LRP1B: variants seen among roughly 807,000 people sequenced by gnomAD.
The protein encoded by LRP1B is low-density lipoprotein receptor-related protein 1B.
Under a neutral mutation model 556.6 loss-of-function variants are expected in LRP1B, and 217 were observed. That is an observed-to-expected ratio of 0.39 (90% CI 0.35 to 0.44). The LOEUF is 0.44. Among genes scored for constraint, LRP1B ranks in the 20% least tolerant of loss-of-function variants. LRP1B has a pLI of 1.00. For synonymous variants in LRP1B, 2,047 were observed against 1,865.8 expected, an observed-to-expected ratio of 1.10 and a Z score of -2.50; for missense variants, 5,053 against 5,620.8, an observed-to-expected ratio of 0.90 and a Z score of 3.23.
At chr2:141,842,646 TAATA>T (rs1697513663) in intron 1 of LRP1B, among the ~76,000 whole-genome samples, 1 of 152,146 alleles carries the variant, frequency 6.6e-6, no homozygotes, top group Non-Finnish European at 1.5e-5. Context: ...TGTAAGTGGT[TAATA>T]AATATTTTAT....
chr2:141,639,891 A>G (rs1689267571), intron 2 of LRP1B, among the ~76,000 whole-genome samples: 1 of 152,146 alleles, frequency 6.6e-6, no homozygotes, highest in South Asian at 2.1e-4. Context: ...CTACAACCTT[A>G]CACCCTAAGG....
rs143819331 is a variant in LRP1B at position 141,291,855 on chromosome 2, C to CA, written c.344-37215dup. Among the ~76,000 whole-genome samples the CA allele has an allele frequency of 3.7e-3, 372 of 99,268 alleles. 40 individuals are homozygous for CA. The highest frequency in any genetic ancestry group is 6.0e-3 in the African/African-American group (133 of 22,188). 65.1% of individuals were successfully genotyped at this position (99,268 alleles called of 152,430 possible). On this transcript the variant is annotated intron_variant, in intron 3 of 90. Transcript: ENST00000389484. ...TGGGCGAAAGAGCGAGACTCTGTCT[C>CA]AAAAAAAAAAAAAAAAAAAAAAAAA...
intron 84 of LRP1B, among the ~76,000 whole-genome samples, chr2:140,294,857 A>C (rs1170733090): frequency 6.6e-6 from 1 of 152,020 alleles, no homozygotes; most frequent in Non-Finnish European, 1.5e-5. Flanking sequence ...AATACATGAG[A>C]AAGGATAATT....
rs556570504 is a variant in LRP1B, at chr2:142,068,516, C to T, written c.82+62132G>A. ...GGGTTATATAGATAGTGATAGGCTG[C>T]GTAGGGGTCAGCTCCTCATCTGTAT... On this transcript the variant is annotated intron_variant, in intron 1 of 90. Transcript: ENST00000389484. Among the ~76,000 whole-genome samples, 6 of 151,564 alleles carry T rather than the reference C, an allele frequency of 4.0e-5. 1 individual carries two copies. Among genetic ancestry groups the T allele is most frequent in the African/African-American group, 7.2e-5 (3 of 41,456 alleles).
At chr2:141,592,366 T>C (rs1335854762) in intron 2 of LRP1B, among the ~76,000 whole-genome samples, 4 of 152,126 alleles carry the variant, frequency 2.6e-5, no homozygotes, top group African/African-American at 9.7e-5. Context: ...TGCATTTTGG[T>C]TTCATAGGTG....
At chr2:141,177,422 C>A (rs972232914) in intron 7 of LRP1B, among the ~76,000 whole-genome samples, 8 of 151,990 alleles carry the variant, frequency 5.3e-5, no homozygotes, top group African/African-American at 1.9e-4. Flanking sequence ...AGGTGGCAAG[C>A]AATTGGGTAA....
At chr2:140,257,649 C>T (rs982884865) in intron 86 of LRP1B, among the ~76,000 whole-genome samples, 5 of 152,130 alleles carry the variant, frequency 3.3e-5, no homozygotes, top group African/African-American at 1.2e-4. Context: ...AAAGGATAGA[C>T]ATTGATGTGA....
At chr2:141,371,624 A>G (rs2105592453) in intron 3 of LRP1B, among the ~76,000 whole-genome samples, 1 of 152,102 alleles carries the variant, frequency 6.6e-6, no homozygotes, top group African/African-American at 2.4e-5. Flanking sequence ...GTAATTTTTT[A>G]ATATTGTAAA....
At chr2:140,743,931 C>T (rs1688224873) in intron 35 of LRP1B, among the ~76,000 whole-genome samples, 1 of 126,384 alleles carries the variant, frequency 7.9e-6, no homozygotes, top group African/African-American at 3.0e-5. Context: ...CGCGCCACTG[C>T]ACTCCAGCCT....
At chr2:141,804,977 C>T (rs929966982) in intron 2 of LRP1B, among the ~76,000 whole-genome samples, 1 of 152,052 alleles carries the variant, frequency 6.6e-6, no homozygotes, top group Admixed American at 6.6e-5. Context: ...GTGGTACATA[C>T]TACCAAGTTC....
At chr2:141,745,546 G>T (rs926942742) in intron 2 of LRP1B, among the ~76,000 whole-genome samples, 12 of 151,826 alleles carry the variant, frequency 7.9e-5, no homozygotes, top group Admixed American at 7.9e-4. Flanking sequence ...TGTGGTGAAT[G>T]CTGCCAGGCC....
intron 20 of LRP1B, among the ~76,000 whole-genome samples, chr2:140,939,634 A>C (rs1164983335): frequency 6.6e-6 from 1 of 151,106 alleles, no homozygotes; most frequent in African/African-American, 2.4e-5. Context: ...CATTACTCTG[A>C]GTGTTCACTT....
chr2:141,926,622 T>C (rs1204685640), intron 1 of LRP1B, among the ~76,000 whole-genome samples: 1 of 152,182 alleles, frequency 6.6e-6, no homozygotes, highest in African/African-American at 2.4e-5. Context: ...ATTAACTTGA[T>C]AGCCCATATT....
At chr2:140,279,650 C>T (rs1034879582) in intron 84 of LRP1B, among the ~76,000 whole-genome samples, 3 of 151,804 alleles carry the variant, frequency 2.0e-5, no homozygotes, top group Non-Finnish European at 2.9e-5. Flanking sequence ...GTACTTAGCC[C>T]AGTGGAAACT....
At chr2:141,534,416 A>G (rs764907862) in intron 2 of LRP1B, among the ~76,000 whole-genome samples, 7 of 152,086 alleles carry the variant, frequency 4.6e-5, no homozygotes, top group Non-Finnish European at 8.8e-5. Flanking sequence ...TTGACAGATC[A>G]TTTTTACTCT....
intron 45 of LRP1B, among the ~76,000 whole-genome samples, chr2:140,539,268 T>C (rs3828939): frequency 0.46 from 70,241 of 151,850 alleles, 16,627 homozygotes; most frequent in East Asian, 0.58. Context: ...GTAAAATCAC[T>C]TAGATGAGGA....
intron 84 of LRP1B, among the ~76,000 whole-genome samples, 160 bp downstream of exon 84, chr2:140,297,646 TAA>T (rs891149962): frequency 6.4e-4 from 97 of 152,040 alleles, no homozygotes; most frequent in Admixed American, 5.2e-3. Context: ...ATCTTTACAA[TAA>T]GAGAAAGGTG....
At chr2:140,262,933 ATTTG>A (rs1276741919) in intron 86 of LRP1B, among the ~76,000 whole-genome samples, 1 of 152,104 alleles carries the variant, frequency 6.6e-6, no homozygotes, top group African/African-American at 2.4e-5. Context: ...ATGTTTGTTT[ATTTG>A]TTTGTTTTCT....
At chr2:141,317,437 A>G (rs1215660678) in intron 3 of LRP1B, among the ~76,000 whole-genome samples, 1 of 152,012 alleles carries the variant, frequency 6.6e-6, no homozygotes, top group African/African-American at 2.4e-5. Context: ...GTTTTTTTGT[A>G]AGGATATCAG....
Sources: allele counts gnomAD v4.1 joint callset (sites outside exome capture counted in the v4.1 genomes callset), GRCh38; gene constraint gnomAD v4.1.1; transcripts MANE v1.5; gene names NCBI Gene and HGNC (gene_info 2026-07-23, HGNC 2026-07-21).